Variants in KCNK10 observed in about 807,000 individuals in gnomAD.
KCNK10 encodes the protein potassium channel subfamily K member 10.
Under a neutral mutation model 47.7 loss-of-function variants are expected in KCNK10, and 25 were observed. That is an observed-to-expected ratio of 0.52 (90% CI 0.38 to 0.73). The LOEUF is 0.73. Among genes scored for constraint, KCNK10 ranks in the 30% least tolerant of loss-of-function variants. KCNK10 has a pLI of 0.00. For synonymous variants in KCNK10, 303 were observed against 285.6 expected (o/e 1.06, Z -0.61); for missense variants, 563 against 714.5 (o/e 0.79, Z 2.42).
At chr14:88,284,213 G>GA (rs1215989801) in intron 1 of KCNK10, among the ~76,000 whole-genome samples, 1 of 151,958 alleles carries the variant, frequency 6.6e-6, no homozygotes, top group Non-Finnish European at 1.5e-5. Context: ...ACACCAAGAA[G>GA]AAAATCCAGA....
intron 3 of KCNK10, chr14:88,235,326 C>T (rs189885792): frequency 1.0e-3 from 434 of 431,456 alleles, no homozygotes; most frequent in Non-Finnish European, 1.8e-3. Context: ...AAATATAAAA[C>T]TTCCATAAGA....
intron 1 of KCNK10, among the ~76,000 whole-genome samples, chr14:88,320,914 C>T (rs192439420): frequency 6.6e-5 from 10 of 152,324 alleles, no homozygotes; most frequent in African/African-American, 1.4e-4. Flanking sequence ...TGGAGGGGGG[C>T]GTCTCGCCTG....
intron 3 of KCNK10, among the ~76,000 whole-genome samples, chr14:88,233,601 G>A (rs1886213440): frequency 6.6e-6 from 1 of 152,230 alleles, no homozygotes; most frequent in Admixed American, 6.5e-5. Flanking sequence ...CAAGGGCTAA[G>A]AGCCATTTGC....
At chr14:88,246,264 G>GAA (rs35102974) in intron 2 of KCNK10, among the ~76,000 whole-genome samples, 1,619 of 54,950 alleles carry the variant, frequency 0.029, 38 homozygotes, top group Non-Finnish European at 0.037. Context: ...CTCCGTCTCA[G>GAA]AAAAAAAAAA....
In KCNK10 at chr14:88,227,705, C is replaced by T. The variant is rs565424747; in HGVS notation, c.521-170G>A. On this transcript the variant is annotated intron_variant, in intron 3 of 6. Transcript: ENST00000319231. ...TTCGCAACATTGTTCCATTGCTTCT[C>T]TTCCTTCTCCCCTTATAAACGGTTT... Among the ~76,000 whole-genome samples, 16 of 152,222 alleles carry T rather than the reference C, an allele frequency of 1.1e-4. 1 individual carries two copies. Among genetic ancestry groups the T allele is most frequent in the Non-Finnish European group, 1.6e-4 (11 of 68,042 alleles).
intron 2 of KCNK10, among the ~76,000 whole-genome samples, chr14:88,243,277 C>A (rs930361066): frequency 6.6e-6 from 1 of 152,176 alleles, no homozygotes; most frequent in Non-Finnish European, 1.5e-5. Context: ...GTGTGTGATT[C>A]CATTCTATCC....
chr14:88,251,163 G>T (rs542263556), intron 2 of KCNK10, among the ~76,000 whole-genome samples: 41 of 149,458 alleles, frequency 2.7e-4, no homozygotes, highest in Admixed American at 1.3e-4. Context: ...AACCCAGGAG[G>T]TGGAGGTTGC....
At chr14:88,212,132 C>G (rs200563688) in intron 4 of KCNK10, among the ~76,000 whole-genome samples, 1 of 118,642 alleles carries the variant, frequency 8.4e-6, no homozygotes, top group Non-Finnish European at 1.8e-5. Context: ...ATATATATAT[C>G]GAGAGAGAGA....
chr14:88,241,327 C>G (rs1456197063), intron 2 of KCNK10, among the ~76,000 whole-genome samples: 1 of 152,200 alleles, frequency 6.6e-6, no homozygotes, highest in Non-Finnish European at 1.5e-5. Context: ...TTGAACCTCT[C>G]TGAGCCTAGT....
intron 3 of KCNK10, among the ~76,000 whole-genome samples, chr14:88,234,456 G>C (rs765928082): frequency 6.6e-6 from 1 of 152,188 alleles, no homozygotes; most frequent in Non-Finnish European, 1.5e-5. Context: ...CTGAAGGCTA[G>C]ATCTTAAAAC....
intron 1 of KCNK10, among the ~76,000 whole-genome samples, chr14:88,308,929 T>C (rs1888256451): frequency 6.6e-6 from 1 of 152,242 alleles, no homozygotes; most frequent in Non-Finnish European, 1.5e-5. Flanking sequence ...ATTTTCATCC[T>C]TATTAATGTA....
chr14:88,206,642 A>G (rs73322382), intron 4 of KCNK10, among the ~76,000 whole-genome samples: 4,303 of 152,306 alleles, frequency 0.028, 219 homozygotes, highest in African/African-American at 0.098. Flanking sequence ...ACCTGAACCA[A>G]TCTGCATTTG....
intron 3 of KCNK10, among the ~76,000 whole-genome samples, chr14:88,227,999 G>T (rs1177319795): frequency 6.6e-6 from 1 of 152,116 alleles, no homozygotes; most frequent in African/African-American, 2.4e-5. Context: ...ATATTAAAGA[G>T]GAAATGTGGT....
At chr14:88,266,466 G>T (rs555818594) in intron 1 of KCNK10, among the ~76,000 whole-genome samples, 2 of 152,266 alleles carry the variant, frequency 1.3e-5, no homozygotes, top group African/African-American at 4.8e-5. Flanking sequence ...GGCCCAGCGT[G>T]CTGATCTTCC....
chr14:88,315,246 T>C (rs933902001), intron 1 of KCNK10, among the ~76,000 whole-genome samples: 1 of 152,216 alleles, frequency 6.6e-6, no homozygotes, highest in African/African-American at 2.4e-5. Context: ...ATAAATTCCT[T>C]TGGCCTAAAG....
intron 4 of KCNK10, among the ~76,000 whole-genome samples, chr14:88,194,702 G>A (rs776625965): frequency 1.9e-4 from 29 of 152,230 alleles, no homozygotes; most frequent in South Asian, 4.1e-4. Flanking sequence ...AGGCTAGATC[G>A]TGGCATCTTA....
chr14:88,273,683 A>T (rs1336347822), intron 1 of KCNK10, among the ~76,000 whole-genome samples: 2 of 152,132 alleles, frequency 1.3e-5, no homozygotes, highest in Non-Finnish European at 2.9e-5. Context: ...TGACTCCGCC[A>T]TGTTGACGAG....
intron 3 of KCNK10, among the ~76,000 whole-genome samples, chr14:88,229,794 C>T (rs1886104547): frequency 6.6e-6 from 1 of 152,152 alleles, no homozygotes; most frequent in African/African-American, 2.4e-5. Context: ...AATTCCAGCA[C>T]TTACACTTTG....
chr14:88,284,556 C>T (rs1887722569), intron 1 of KCNK10, among the ~76,000 whole-genome samples: 2 of 152,128 alleles, frequency 1.3e-5, no homozygotes, highest in Admixed American at 1.3e-4. Flanking sequence ...GGTGTAAGTC[C>T]AAGAGTCCAA....
Sources: allele counts gnomAD v4.1 joint callset (sites outside exome capture counted in the v4.1 genomes callset), GRCh38; gene constraint gnomAD v4.1.1; transcripts MANE v1.5; gene names NCBI Gene and HGNC (gene_info 2026-07-23, HGNC 2026-07-21).